TICRR: variants seen among roughly 807,000 people sequenced by gnomAD.
TICRR encodes TOPBP1 interacting checkpoint and replication regulator.
Under a neutral mutation model 178.1 loss-of-function variants are expected in TICRR, and 132 were observed. That is an observed-to-expected ratio of 0.74 (90% confidence interval 0.64 to 0.86). TICRR has a LOEUF of 0.86. Among genes scored for constraint, TICRR ranks in the 40% least tolerant of loss-of-function variants. The pLI is 0.00. For missense variants in TICRR, 2,587 were observed against 2,334.3 expected (o/e 1.11, Z -2.23); for synonymous variants, 991 against 900.7 (o/e 1.10, Z -1.79).
chr15:89,575,627 C>A lies in TICRR; in HGVS notation c.41C>A (p.Ala14Glu). 1.3e-6 allele frequency: 2 copies of A among 1,539,106 alleles called. No individual in the cohort carries two copies. Among genetic ancestry groups the A allele is most frequent in the Non-Finnish European group, 8.7e-7 (1 of 1,147,814 alleles). Residue 14 changes from alanine to glutamate, a missense_variant, in exon 1 of 22, where the codon GCG becomes GAG. Ala to Glu is a moderately radical substitution (Grantham distance 107). Transcript: ENST00000268138. Reference sequence around the variant, plus strand: ...AAAGTAATGCTGCTGCTGGACACCGCGGGCGGCGCCGCCCGCCACAGCCGG... The same window carrying A: ...AAAGTAATGCTGCTGCTGGACACCGAGGGCGGCGCCGCCCGCCACAGCCGG... ...CHKVMLLLDT[A>E]GGAARHSRVR...
rs138294313 is a variant in TICRR at position 89,625,962 on chromosome 15, G to T, written c.5503G>T (p.Val1835Leu). 4.7e-4 allele frequency: 751 copies of T among 1,596,176 alleles called. No homozygotes were observed. The highest frequency in any genetic ancestry group is 6.6e-4 in the Admixed American group (38 of 57,298). Residue 1835 changes from valine to leucine, a missense_variant, in exon 21 of 22, where the codon GTG becomes TTG. Val to Leu is a conservative substitution (Grantham distance 32). Transcript: ENST00000268138. ...CTCCACCCCACCTCCCAGCTGTGCCGTGCGGAGCTGCCTCTCTGCCAGTGC... is the reference window on the plus strand; with the variant it reads ...CTCCACCCCACCTCCCAGCTGTGCCTTGCGGAGCTGCCTCTCTGCCAGTGC... Reference protein sequence around the residue: ...SGSTPPPSCAVRSCLSASALQ... With the variant: ...SGSTPPPSCALRSCLSASALQ...
At chr15:89,584,250 A>G in intron 2 of TICRR, 36 bp from the exon 3 acceptor site, 1 of 1,532,640 alleles carries the variant, frequency 6.5e-7, no homozygotes, top group South Asian at 1.3e-5. Flanking sequence ...TAAAATTTTA[A>G]TTTGGCATCC....
chr15:89,627,025 G>A lies in TICRR; in HGVS notation c.5672G>A (p.Arg1891His), dbSNP rs762916280. The change falls in exon 22 of 22, where the codon CGC (arginine) becomes CAC (histidine). Residue 1891 changes from arginine (R) to histidine (H), a missense_variant. Coordinates refer to ENST00000268138, the MANE Select transcript of TICRR (RefSeq NM_152259.4). ...SPFSRAFSRR[R>H]PISRTYTRKK... ...TTCAGTCGCGCTTTCTCCAGGAGGC[G>A]CCCCATCAGCAGAACTTATACACGG... The A allele has an allele frequency of 1.4e-5, 23 of 1,613,922 alleles. No homozygotes were observed. Among genetic ancestry groups the A allele is most frequent in the South Asian group, 2.2e-5 (2 of 91,084 alleles).
In TICRR at chr15:89,601,980, A is replaced by G; in HGVS notation, c.2567+4A>G. Reference sequence around the variant, plus strand: ...CCAGATCAGCCAAGAAGAGAAGGTAAGAGGTCAAAGAATCAAAGGAATTAT... The same window carrying G: ...CCAGATCAGCCAAGAAGAGAAGGTAGGAGGTCAAAGAATCAAAGGAATTAT... On this transcript the variant is annotated splice_donor_region_variant and intron_variant, in intron 12 of 21. Transcript: ENST00000268138. 6.2e-7 allele frequency: 1 copy of G among 1,613,882 alleles called. No individual in the cohort carries two copies. The highest frequency in any genetic ancestry group is 1.3e-5 in the African/African-American group (1 of 75,030).
In TICRR at chr15:89,621,554, T is replaced by C. The variant is rs373838190; in HGVS notation, c.3312+4T>C. On this transcript the variant is annotated splice_donor_region_variant and intron_variant, in intron 19 of 21. Coordinates refer to ENST00000268138, the MANE Select transcript of TICRR (RefSeq NM_152259.4). ...GGAGGTACCTGCAGCTTACCAGGTA[T>C]AATGTTTCTGTAATGTTTGAAATAA... 31 of 1,604,786 alleles carry C rather than the reference T, an allele frequency of 1.9e-5. No homozygotes were observed. Among genetic ancestry groups the C allele is most frequent in the Non-Finnish European group, 2.1e-5 (25 of 1,176,838 alleles).
intron 18 of TICRR, among the ~76,000 whole-genome samples, chr15:89,620,891 T>C (rs1457893325): frequency 1.3e-5 from 2 of 151,066 alleles, no homozygotes; most frequent in Non-Finnish European, 2.9e-5. Context: ...CCCAGCTAAA[T>C]TTTTTGTATT....
Position 89,608,924 on chromosome 15 carries a change from A to T in TICRR, c.2844A>T (p.Lys948Asn). ...CAGCTGTGGATGGTCTAGAGGATAA[A>T]CTTGACAACTTCAAGAAGAACAAAG... is the stretch of plus-strand genomic sequence containing the variant. ...SVSAVDGLED[K>N]LDNFKKNKGY... Residue 948 changes from lysine to asparagine, a missense_variant, in exon 15 of 22, where the codon AAA becomes AAT. Physicochemically the swap from Lys to Asn is moderately conservative, Grantham distance 94. Coordinates refer to ENST00000268138, the MANE Select transcript of TICRR (RefSeq NM_152259.4). 6.3e-7 allele frequency: 1 copy of T among 1,599,214 alleles called. No individual in the cohort carries two copies. The highest frequency in any genetic ancestry group is 1.1e-5 in the South Asian group (1 of 87,374).
In TICRR at chr15:89,601,210, C is replaced by T. The variant is rs1245313669; in HGVS notation, c.2154-88C>T. 2.6e-6 allele frequency: 3 copies of T among 1,159,430 alleles called. No homozygotes were observed. The African/African-American group carries it at 4.7e-5, about 18-fold the overall frequency. The allele number at this position is 1,159,430 out of a possible 1,614,324, so 71.8% of individuals were successfully genotyped here. On this transcript the variant is annotated intron_variant, in intron 9 of 21. Coordinates refer to ENST00000268138, the MANE Select transcript of TICRR (RefSeq NM_152259.4). ...CTCTCCTCCTTTTTGGTTGTTGTGT[C>T]TTATATAAATAGATCTATGCTTACG...
At chr15:89,599,674 TG>T (rs1963060950) in intron 8 of TICRR, among the ~76,000 whole-genome samples, 199 bp downstream of exon 8, 1 of 152,130 alleles carries the variant, frequency 6.6e-6, no homozygotes, top group Non-Finnish European at 1.5e-5. Context: ...ATCAAAGAGA[TG>T]GGGTGAGCGG....
chr15:89,594,661 A>G, intron 6 of TICRR, 107 bp downstream of exon 6: 1 of 944,588 alleles, frequency 1.1e-6, no homozygotes, highest in Non-Finnish European at 1.5e-6. Flanking sequence ...TAAATAAAGA[A>G]GGGCAAATTT....
At position 89,601,959 on chromosome 15, in the gene TICRR, A is replaced by G; in HGVS notation, c.2550A>G (p.Arg850=). The change falls in exon 12 of 22, where the codon AGA becomes AGG. Residue 850 remains arginine, a synonymous_variant. Coordinates refer to ENST00000268138, the MANE Select transcript of TICRR (RefSeq NM_152259.4). Reference sequence around the variant, plus strand: ...ATGAACTGCAGGAACTTCGTACCAGATCAGCCAAGAAGAGAAGGTAAGAGG... The same window carrying G: ...ATGAACTGCAGGAACTTCGTACCAGGTCAGCCAAGAAGAGAAGGTAAGAGG... The part of the protein sequence containing the change: ...ESDELQELRT[R]SAKKRRKNAL... 6.2e-7 allele frequency: 1 copy of G among 1,614,198 alleles called. No individual in the cohort carries two copies. The highest frequency in any genetic ancestry group is 8.5e-7 in the Non-Finnish European group (1 of 1,180,034).
At position 89,625,952 on chromosome 15, in the gene TICRR, C is replaced by T. The variant is rs758747597; in HGVS notation, c.5493C>T (p.Pro1831=). Residue 1831 remains proline, a synonymous_variant, in exon 21 of 22, where the codon CCC becomes CCT. Transcript: ENST00000268138. Reference sequence around the variant, plus strand: ...TCTCTTTAGGCTCCACCCCACCTCCCAGCTGTGCCGTGCGGAGCTGCCTCT... The same window carrying T: ...TCTCTTTAGGCTCCACCCCACCTCCTAGCTGTGCCGTGCGGAGCTGCCTCT... The part of the protein sequence containing the change: ...EVFVSGSTPP[P]SCAVRSCLSA... 14 of 1,584,300 alleles carry T rather than the reference C, an allele frequency of 8.8e-6. No homozygotes were observed. Among genetic ancestry groups the T allele is most frequent in the South Asian group, 8.3e-5 (7 of 84,822 alleles).
At chr15:89,605,346 G>C (rs1185692012) in intron 13 of TICRR, among the ~76,000 whole-genome samples, 1 of 152,162 alleles carries the variant, frequency 6.6e-6, no homozygotes, top group Non-Finnish European at 1.5e-5. Flanking sequence ...ACCCTGGATA[G>C]GAAATTGGAT....
intron 4 of TICRR, 58 bp downstream of exon 4, chr15:89,586,000 A>T: frequency 1.5e-6 from 2 of 1,345,962 alleles, no homozygotes; most frequent in Non-Finnish European, 2.1e-6. Context: ...CTTTTCAAGC[A>T]TCGGGACTTT....
At chr15:89,618,865 G>A (rs943138798) in intron 17 of TICRR, among the ~76,000 whole-genome samples, 3 of 152,204 alleles carry the variant, frequency 2.0e-5, no homozygotes, top group African/African-American at 2.4e-5. Context: ...AGGCTGAGGT[G>A]AGAGGATCTC....
In TICRR at chr15:89,626,875, A is replaced by G. The variant is rs143736923; in HGVS notation, c.5603-81A>G. The stretch of plus-strand genomic sequence containing the variant: ...TTTCTTAAAGTCTGTTTTTGTGTGT[A>G]ACCCTCTGCAATTTAAGCCAATTTT... On this transcript the variant is annotated intron_variant, in intron 21 of 21. Coordinates refer to ENST00000268138, the MANE Select transcript of TICRR (RefSeq NM_152259.4). 4.2e-5 allele frequency: 62 copies of G among 1,475,860 alleles called. No homozygotes were observed. In the African/African-American group the frequency reaches 7.5e-4, roughly 18 times the overall value. The allele number at this position is 1,475,860 out of a possible 1,614,324, so 91.4% of individuals were successfully genotyped here. A position where few individuals can be genotyped will look rare whatever the true frequency, so the allele number is the denominator to read the frequency against.
intron 5 of TICRR, among the ~76,000 whole-genome samples, chr15:89,592,661 A>G (rs1184069662): frequency 2.0e-5 from 3 of 152,202 alleles, no homozygotes; most frequent in African/African-American, 7.2e-5. Context: ...AAACAAATAA[A>G]TGTAAGTGAT....
In TICRR at chr15:89,585,875, T is replaced by G. The variant is rs756279503; in HGVS notation, c.1344T>G (p.Leu448=). ...ACAGCCCCCGGGACACAGCTTCCCT[T>G]TTCTCAGATGTTGTGGATAGTATAT... is the stretch of plus-strand genomic sequence containing the variant. ...VADSPRDTAS[L]FSDVVDSILN... The change falls in exon 4 of 22, where the codon CTT becomes CTG. Residue 448 remains leucine (L), a synonymous_variant. Transcript: ENST00000268138. 1 of 1,614,188 alleles carries G rather than the reference T, an allele frequency of 6.2e-7. No homozygotes were observed. Among genetic ancestry groups the G allele is most frequent in the South Asian group, 1.1e-5 (1 of 91,078 alleles).
chr15:89,585,481 G>C (rs1962804878), intron 3 of TICRR, among the ~76,000 whole-genome samples: 1 of 152,126 alleles, frequency 6.6e-6, no homozygotes, highest in African/African-American at 2.4e-5. Context: ...TAAATACCTA[G>C]TAAATATTCC....
Sources: allele counts gnomAD v4.1 joint callset (sites outside exome capture counted in the v4.1 genomes callset), GRCh38; gene constraint gnomAD v4.1.1; transcripts MANE v1.5; gene names NCBI Gene and HGNC (gene_info 2026-07-23, HGNC 2026-07-21).